Variants in ATF6 observed in about 807,000 individuals in gnomAD.
ATF6 encodes the protein activating transcription factor 6.
Under a neutral mutation model 83.6 loss-of-function variants are expected in ATF6, and 53 were observed. That is an observed-to-expected ratio of 0.63 (90% CI 0.51 to 0.80). ATF6 has a LOEUF of 0.80. Ranked by LOEUF, ATF6 falls within the 30% of genes least tolerant of loss-of-function variation. The pLI, the probability that ATF6 is intolerant of heterozygous loss-of-function variation, is 0.00. For missense variants in ATF6, 744 were observed against 797.9 expected, an observed-to-expected ratio of 0.93 and a Z score of 0.81; for synonymous variants, 288 against 285.8, an observed-to-expected ratio of 1.01 and a Z score of -0.08.
At chr1:161,947,462 G>A (rs1312607865) in intron 15 of ATF6, among the ~76,000 whole-genome samples, 1 of 152,194 alleles carries the variant, frequency 6.6e-6, no homozygotes, top group African/African-American at 2.4e-5. Context: ...GGGAAGCCCA[G>A]GGTCAGGCCC....
chr1:161,782,299 AG>A (rs1242683575), intron 3 of ATF6, among the ~76,000 whole-genome samples: 1 of 152,248 alleles, frequency 6.6e-6, no homozygotes, highest in Non-Finnish European at 1.5e-5. Flanking sequence ...AGAACCAGAC[AG>A]GGCTTAGGGA....
In ATF6 at chr1:161,880,531, G is replaced by A. The variant is rs115959882; in HGVS notation, c.1719+17219G>A. ...ATAGTTTTAAAAATTGTATATAAAGGGATCTTAATTATATATATTTTCCTT... is the reference window on the plus strand; with the variant it reads ...ATAGTTTTAAAAATTGTATATAAAGAGATCTTAATTATATATATTTTCCTT... On this transcript the variant is annotated intron_variant, in intron 14 of 15. Transcript: ENST00000367942. Among the ~76,000 whole-genome samples, 1,172 of 152,048 alleles carry A rather than the reference G, an allele frequency of 7.7e-3. 14 individuals are homozygous for A. Among genetic ancestry groups the A allele is most frequent in the African/African-American group, 0.027 (1,109 of 41,444 alleles).
At chr1:161,897,894 T>C (rs1351494370) in intron 14 of ATF6, among the ~76,000 whole-genome samples, 3 of 152,246 alleles carry the variant, frequency 2.0e-5, no homozygotes, top group Non-Finnish European at 4.4e-5. Flanking sequence ...TTTAAGGTTA[T>C]ATATGTGGCT....
intron 15 of ATF6, among the ~76,000 whole-genome samples, chr1:161,928,434 T>A (rs1019441540): frequency 6.6e-6 from 1 of 152,084 alleles, no homozygotes; most frequent in Admixed American, 6.6e-5. Context: ...CCAGAAAGGC[T>A]TTTTTTCCCC....
intron 1 of ATF6, among the ~76,000 whole-genome samples, chr1:161,770,537 A>G (rs1684359701): frequency 6.6e-6 from 1 of 152,122 alleles, no homozygotes; most frequent in Non-Finnish European, 1.5e-5. Flanking sequence ...GAGAGAGAGA[A>G]TCTTCTTCTT....
chr1:161,801,897 G>T (rs1486862031), intron 6 of ATF6, among the ~76,000 whole-genome samples, 155 bp from the exon 7 acceptor site: 1 of 152,164 alleles, frequency 6.6e-6, no homozygotes. Context: ...CACCATAAGC[G>T]TGTGCTGCTA....
chr1:161,771,284 C>A (rs1375750137), intron 1 of ATF6, among the ~76,000 whole-genome samples: 2 of 151,998 alleles, frequency 1.3e-5, no homozygotes, highest in African/African-American at 4.8e-5. Context: ...ATATGTGTAT[C>A]AAGATCAGAA....
intron 15 of ATF6, among the ~76,000 whole-genome samples, chr1:161,914,665 C>T (rs1187558266): frequency 6.6e-6 from 1 of 152,194 alleles, no homozygotes; most frequent in East Asian, 1.9e-4. Flanking sequence ...TTAAAACTCA[C>T]ACTCCAACTA....
chr1:161,912,433 G>A lies in ATF6; in HGVS notation c.1804+53G>A, dbSNP rs539351517. 1.3e-5 allele frequency: 16 copies of A among 1,264,154 alleles called. No individual in the cohort carries two copies. In the African/African-American group the frequency reaches 1.8e-4, roughly 14 times the overall value. The allele number at this position is 1,264,154 out of a possible 1,614,324, so 78.3% of individuals were successfully genotyped here. A position where few individuals can be genotyped will look rare whatever the true frequency, so the allele number is the denominator to read the frequency against. On this transcript the variant is annotated intron_variant, in intron 15 of 15. Transcript: ENST00000367942. The stretch of plus-strand genomic sequence containing the variant: ...ATATGAGATTTCTTTGTTTAACCAG[G>A]ATTCTCTTCATTAGTTCAAAGACAT...
intron 9 of ATF6, among the ~76,000 whole-genome samples, chr1:161,838,551 G>T (rs758984141): frequency 1.3e-5 from 2 of 152,162 alleles, no homozygotes; most frequent in Non-Finnish European, 2.9e-5. Context: ...TTTCAGCTGG[G>T]ACCTGAGCCT....
intron 15 of ATF6, among the ~76,000 whole-genome samples, chr1:161,924,665 G>A (rs1048685097): frequency 1.3e-5 from 2 of 152,124 alleles, no homozygotes; most frequent in Admixed American, 6.5e-5. Context: ...TTGCTGCTAG[G>A]AAAGGAATTG....
At chr1:161,917,913 A>G (rs1688133497) in intron 15 of ATF6, among the ~76,000 whole-genome samples, 1 of 152,200 alleles carries the variant, frequency 6.6e-6, no homozygotes, top group African/African-American at 2.4e-5. Context: ...TTTTTTATAG[A>G]TAATGCCTCA....
chr1:161,943,715 C>CA (rs1176884571), intron 15 of ATF6, among the ~76,000 whole-genome samples: 1 of 152,142 alleles, frequency 6.6e-6, no homozygotes, highest in African/African-American at 2.4e-5. Flanking sequence ...AGGTCTCGAA[C>CA]AAAAAATCAC....
At chr1:161,827,081 G>GCACCA (rs1685921903) in intron 9 of ATF6, among the ~76,000 whole-genome samples, 1 of 151,954 alleles carries the variant, frequency 6.6e-6, no homozygotes. Flanking sequence ...ACAGGCACCT[G>GCACCA]CCACTATGCC....
chr1:161,927,708 C>G (rs7417576), intron 15 of ATF6, among the ~76,000 whole-genome samples: 95,954 of 152,020 alleles, frequency 0.63, 32,061 homozygotes, highest in Non-Finnish European at 0.75. Context: ...GCAAGGACCA[C>G]CCTAATTGAC....
chr1:161,945,806 G>T (rs1157409668), intron 15 of ATF6, among the ~76,000 whole-genome samples: 2 of 152,146 alleles, frequency 1.3e-5, no homozygotes, highest in African/African-American at 4.8e-5. Flanking sequence ...TTTCACGCAT[G>T]CTGGCTCAAT....
intron 15 of ATF6, among the ~76,000 whole-genome samples, chr1:161,912,648 C>T (rs1368542319): frequency 1.3e-5 from 2 of 152,250 alleles, no homozygotes; most frequent in African/African-American, 4.8e-5. Flanking sequence ...CTTGCATCTG[C>T]GACCCTTCTA....
intron 1 of ATF6, among the ~76,000 whole-genome samples, chr1:161,776,990 T>C (rs1489682809): frequency 1.3e-5 from 2 of 152,096 alleles, no homozygotes; most frequent in Non-Finnish European, 2.9e-5. Context: ...ACTGGGTAAG[T>C]GTGATATTCT....
chr1:161,891,763 G>A (rs1191592385), intron 14 of ATF6: 1 of 152,114 alleles, frequency 6.6e-6, no homozygotes, highest in Non-Finnish European at 1.5e-5. Context: ...TGACTCTACA[G>A]GTCATGAAAT....
Sources: allele counts gnomAD v4.1 joint callset (sites outside exome capture counted in the v4.1 genomes callset), GRCh38; gene constraint gnomAD v4.1.1; transcripts MANE v1.5; gene names NCBI Gene and HGNC (gene_info 2026-07-23, HGNC 2026-07-21).